The following LRP1B variants were observed in gnomAD, a reference collection of about 807,000 sequenced individuals.
LRP1B encodes the protein low-density lipoprotein receptor-related protein 1B.
In LRP1B, 217 loss-of-function variants were observed where a neutral mutation model predicts 556.6. That is an observed-to-expected ratio of 0.39 (90% CI 0.35 to 0.44). The LOEUF (loss-of-function observed/expected upper bound fraction) is 0.44, where lower values mean the gene tolerates loss of function less well. Ranked by LOEUF, LRP1B falls within the 20% of genes least tolerant of loss-of-function variation. LRP1B has a pLI of 1.00. For missense variants in LRP1B, 5,053 were observed against 5,620.8 expected (o/e 0.90, Z 3.23); for synonymous variants, 2,047 against 1,865.8 (o/e 1.10, Z -2.50).
intron 66 of LRP1B, among the ~76,000 whole-genome samples, chr2:140,393,525 A>G (rs1298968099): frequency 6.6e-6 from 1 of 152,068 alleles, no homozygotes; most frequent in Non-Finnish European, 1.5e-5. Flanking sequence ...TTGGGGATTA[A>G]GAGATATTGG....
intron 7 of LRP1B, among the ~76,000 whole-genome samples, chr2:141,088,427 T>C (rs1451551841): frequency 2.0e-5 from 3 of 152,200 alleles, no homozygotes; most frequent in East Asian, 1.9e-4. Flanking sequence ...TGTACTGTTC[T>C]AACGTCACAT....
intron 66 of LRP1B, among the ~76,000 whole-genome samples, chr2:140,395,956 T>C (rs1573887637): frequency 6.6e-6 from 1 of 152,272 alleles, no homozygotes; most frequent in East Asian, 1.9e-4. Context: ...GGGAAAGTAG[T>C]TACACTCTCA....
chr2:141,169,287 AAAAT>A (rs201628193), intron 7 of LRP1B, among the ~76,000 whole-genome samples: 60,545 of 137,552 alleles, frequency 0.44, 14,073 homozygotes, highest in East Asian at 0.68. Context: ...CTCTGTCTCA[AAAAT>A]AAATAAATAA....
intron 3 of LRP1B, among the ~76,000 whole-genome samples, chr2:141,292,992 TATATGGATATTCTACGTACTATCTTCTCA>T (rs1369923975): frequency 2.2e-4 from 33 of 152,126 alleles, no homozygotes; most frequent in Non-Finnish European, 4.3e-4. Flanking sequence ...GGGAATGGAA[TATATGGATATTCTACGTACTATCTTCTCA>T]ATTTTCCTCC....
intron 1 of LRP1B, among the ~76,000 whole-genome samples, chr2:141,874,272 A>G (rs1698685864): frequency 6.6e-6 from 1 of 151,864 alleles, no homozygotes; most frequent in African/African-American, 2.4e-5. Context: ...CTAAATTTTT[A>G]CTGTTGATCA....
intron 35 of LRP1B, among the ~76,000 whole-genome samples, chr2:140,737,525 A>T (rs1178119154): frequency 6.6e-6 from 1 of 152,152 alleles, no homozygotes; most frequent in Non-Finnish European, 1.5e-5. Flanking sequence ...TAGTGTATAA[A>T]ATTGAAATGG....
intron 7 of LRP1B, among the ~76,000 whole-genome samples, chr2:141,078,274 A>G (rs1435749329): frequency 6.6e-6 from 1 of 150,926 alleles, no homozygotes; most frequent in Non-Finnish European, 1.5e-5. Flanking sequence ...TATGGTTTGA[A>G]ATTTCAGTTT....
chr2:140,374,887 G>T (rs1346195321), intron 68 of LRP1B, among the ~76,000 whole-genome samples: 1 of 152,176 alleles, frequency 6.6e-6, no homozygotes, highest in East Asian at 1.9e-4. Flanking sequence ...GTACTGTTGT[G>T]TCATTTAGCC....
intron 35 of LRP1B, 68 bp from the exon 36 acceptor site, chr2:140,716,884 G>T: frequency 1.1e-6 from 1 of 885,142 alleles, no homozygotes. Context: ...TCGGTGTTAG[G>T]ATCATATTGC....
intron 41 of LRP1B, among the ~76,000 whole-genome samples, chr2:140,608,236 C>A (rs1454981775): frequency 1.3e-5 from 2 of 151,966 alleles, no homozygotes. Flanking sequence ...AAATTAAAAT[C>A]AATAGTTGTA....
intron 12 of LRP1B, among the ~76,000 whole-genome samples, chr2:141,018,986 G>A (rs568409729): frequency 5.8e-4 from 88 of 152,038 alleles, no homozygotes; most frequent in African/African-American, 2.0e-3. Flanking sequence ...GCAGTAAAGT[G>A]TAAAGAAAAT....
chr2:140,356,565 A>T (rs1377394049), intron 74 of LRP1B, 89 bp from the exon 75 acceptor site: 3 of 846,418 alleles, frequency 3.5e-6, no homozygotes, highest in South Asian at 1.7e-5. Flanking sequence ...AATGGTATTT[A>T]TTATTCCACA....
chr2:141,313,379 A>T (rs563672753), intron 3 of LRP1B, among the ~76,000 whole-genome samples: 117 of 152,306 alleles, frequency 7.7e-4, no homozygotes, highest in Non-Finnish European at 1.3e-3. Context: ...AAACACTTGA[A>T]GGAAAAATAA....
At chr2:142,017,867 C>G (rs370599403) in intron 1 of LRP1B, among the ~76,000 whole-genome samples, 3 of 151,910 alleles carry the variant, frequency 2.0e-5, no homozygotes, top group African/African-American at 7.3e-5. Flanking sequence ...GGCAACAGAG[C>G]GAGACCTTGT....
At chr2:141,495,215 T>C (rs1683470741) in intron 2 of LRP1B, among the ~76,000 whole-genome samples, 1 of 152,152 alleles carries the variant, frequency 6.6e-6, no homozygotes. Context: ...TACAATGAAT[T>C]CTGCTCTACG....
At chr2:142,073,303 C>G (rs1224346209) in intron 1 of LRP1B, among the ~76,000 whole-genome samples, 1 of 151,822 alleles carries the variant, frequency 6.6e-6, no homozygotes, top group Admixed American at 6.6e-5. Context: ...CTCCTGGTAA[C>G]AAGTCTTAAA....
At chr2:140,400,157 C>T (rs748390018) in intron 66 of LRP1B, among the ~76,000 whole-genome samples, 1 of 152,090 alleles carries the variant, frequency 6.6e-6, no homozygotes, top group Admixed American at 6.6e-5. Flanking sequence ...CCTTGATATT[C>T]ACCATTTCTG....
At chr2:140,938,937 C>T (rs757332174) in intron 20 of LRP1B, among the ~76,000 whole-genome samples, 12 of 152,032 alleles carry the variant, frequency 7.9e-5, no homozygotes, top group Non-Finnish European at 1.6e-4. Flanking sequence ...ATATGGAAGA[C>T]AGCCTGTCAG....
intron 1 of LRP1B, among the ~76,000 whole-genome samples, chr2:142,078,211 A>C (rs1705581710): frequency 1.3e-5 from 2 of 151,816 alleles, no homozygotes; most frequent in Admixed American, 6.6e-5. Context: ...CATTTTCTCA[A>C]CCTCCTCTGT....
Sources: allele counts gnomAD v4.1 joint callset (sites outside exome capture counted in the v4.1 genomes callset), GRCh38; gene constraint gnomAD v4.1.1; transcripts MANE v1.5; gene names NCBI Gene and HGNC (gene_info 2026-07-23, HGNC 2026-07-21).